Variants in TPTE2 observed in about 807,000 individuals in gnomAD.
TPTE2 encodes phosphatidylinositol 3,4,5-trisphosphate 3-phosphatase TPTE2.
In TPTE2, 53 loss-of-function variants were observed where a neutral mutation model predicts 78.6. The observed-to-expected ratio is 0.67, with a 90% CI of 0.54 to 0.85. The LOEUF (loss-of-function observed/expected upper bound fraction) is 0.85. TPTE2 is among the 40% of genes least tolerant of loss of function. TPTE2 has a pLI of 0.00. For synonymous variants in TPTE2, 175 were observed against 206.2 expected, an observed-to-expected ratio of 0.85 and a Z score of 1.30; for missense variants, 461 against 623.0, an observed-to-expected ratio of 0.74 and a Z score of 2.77.
intron 1 of TPTE2, among the ~76,000 whole-genome samples, chr13:19,531,440 C>T (rs1214843657): frequency 6.6e-6 from 1 of 151,450 alleles, no homozygotes; most frequent in Non-Finnish European, 1.5e-5. Flanking sequence ...TTGGCAGCCA[C>T]AAAGACTGGG....
chr13:19,462,843 C>T (rs753068546), intron 10 of TPTE2, among the ~76,000 whole-genome samples: 15 of 151,130 alleles, frequency 9.9e-5, no homozygotes, highest in East Asian at 5.9e-4. Context: ...CTGCACCTGA[C>T]GAATATTCCC....
At chr13:19,428,908 A>T (rs1197217890) in intron 17 of TPTE2, among the ~76,000 whole-genome samples, 1 of 152,246 alleles carries the variant, frequency 6.6e-6, no homozygotes, top group African/African-American at 2.4e-5. Flanking sequence ...AGCTCGAGCC[A>T]AGGAAATAAG....
rs142120063 is a variant in TPTE2, at chr13:19,531,600, A to T, written c.-44+4996T>A. On this transcript the variant is annotated intron_variant, in intron 1 of 17. Transcript: ENST00000390680. The stretch of plus-strand genomic sequence containing the variant: ...GTGTTAAGGAGAGCAATAATAGACA[A>T]AATAATAACATAACAATTAGGTATT... Among the ~76,000 whole-genome samples the T allele has an allele frequency of 4.4e-3, 664 of 150,398 alleles. 8 individuals are homozygous for T. Among genetic ancestry groups the T allele is most frequent in the African/African-American group, 0.015 (626 of 41,294 alleles).
chr13:19,485,357 T>A (rs1352685343), intron 3 of TPTE2, among the ~76,000 whole-genome samples: 7 of 152,150 alleles, frequency 4.6e-5, no homozygotes, highest in Non-Finnish European at 8.8e-5. Flanking sequence ...TTTTTTTTCT[T>A]TCAGAACTTC....
chr13:19,506,329 G>A (rs1347605705), upstream of TPTE2, among the ~76,000 whole-genome samples: 9 of 149,932 alleles, frequency 6.0e-5, no homozygotes, highest in Non-Finnish European at 1.0e-4. Flanking sequence ...CCGCCACTAC[G>A]CCCGGCTAAT....
chr13:19,502,055 C>G (rs1276486020), intron 1 of TPTE2, among the ~76,000 whole-genome samples: 1 of 66,012 alleles, frequency 1.5e-5, no homozygotes, highest in East Asian at 4.3e-4. Flanking sequence ...AAATGCTCAT[C>G]ATCACTGGCC....
At chr13:19,473,258 G>C (rs972107032) in intron 6 of TPTE2, among the ~76,000 whole-genome samples, 15 of 152,200 alleles carry the variant, frequency 9.9e-5, no homozygotes, top group Admixed American at 4.6e-4. Context: ...GTCATCACAT[G>C]GTAAAAACAG....
chr13:19,509,312 A>G (rs1869273899), intron 1 of TPTE2, among the ~76,000 whole-genome samples: 1 of 152,128 alleles, frequency 6.6e-6, no homozygotes, highest in Non-Finnish European at 1.5e-5. Flanking sequence ...AGAAGAAAAA[A>G]CCGTGGAGAA....
chr13:19,431,454 T>C (rs1876595299), intron 16 of TPTE2, among the ~76,000 whole-genome samples: 1 of 152,190 alleles, frequency 6.6e-6, no homozygotes, highest in African/African-American at 2.4e-5. Flanking sequence ...AATTTTTTAT[T>C]GCTTTCCTCT....
At chr13:19,555,452 C>A in the TPTE2 span, among the ~76,000 whole-genome samples, 1 of 152,158 alleles carries the variant, frequency 6.6e-6, no homozygotes, top group South Asian at 2.1e-4. Flanking sequence ...CAACAGTGAA[C>A]AATTGCTAAA....
chr13:19,436,096 C>T (rs1252094713), intron 15 of TPTE2, 130 bp downstream of exon 18: 8 of 697,322 alleles, frequency 1.1e-5, no homozygotes, highest in Admixed American at 2.9e-5. Flanking sequence ...GGGACCAAGG[C>T]CTGTTGCAGG....
intron 10 of TPTE2, among the ~76,000 whole-genome samples, chr13:19,451,838 T>C (rs1878207063): frequency 8.0e-6 from 1 of 125,206 alleles, no homozygotes; most frequent in Non-Finnish European, 1.8e-5. Context: ...TGTGTGTGTG[T>C]GTGTGTATAT....
At chr13:19,527,546 GA>G (rs1414579614) in intron 1 of TPTE2, among the ~76,000 whole-genome samples, 1 of 152,148 alleles carries the variant, frequency 6.6e-6, no homozygotes, top group Non-Finnish European at 1.5e-5. Flanking sequence ...GATAAACCTT[GA>G]AAACATGCTA....
chr13:19,537,754 G>A (rs754355140), upstream of TPTE2, among the ~76,000 whole-genome samples: 1 of 149,754 alleles, frequency 6.7e-6, no homozygotes. Context: ...AGGTGCCCAC[G>A]ACCATGCCCA....
chr13:19,520,774 TAA>T (rs1870100094), intron 1 of TPTE2, among the ~76,000 whole-genome samples: 1 of 151,992 alleles, frequency 6.6e-6, no homozygotes, highest in Non-Finnish European at 1.5e-5. Flanking sequence ...CTGCATTCCA[TAA>T]GTTTTGAGAT....
At chr13:19,555,158 A>G in the TPTE2 span, among the ~76,000 whole-genome samples, 1 of 152,180 alleles carries the variant, frequency 6.6e-6, no homozygotes, top group African/African-American at 2.4e-5. Context: ...CTTGACATGT[A>G]TGTACTAGCC....
chr13:19,454,217 G>A (rs2137538245), intron 10 of TPTE2, among the ~76,000 whole-genome samples: 1 of 152,188 alleles, frequency 6.6e-6, no homozygotes, highest in Middle Eastern at 3.4e-3. Context: ...TGTCTGCTTT[G>A]CTCATTCGCT....
chr13:19,547,901 T>A, the TPTE2 span, among the ~76,000 whole-genome samples: 1 of 151,404 alleles, frequency 6.6e-6, no homozygotes, highest in Admixed American at 6.6e-5. Context: ...GGGTAAAGTA[T>A]AATATTCTTT....
intron 4 of TPTE2, among the ~76,000 whole-genome samples, chr13:19,478,526 G>A (rs1160639110): frequency 6.6e-5 from 10 of 152,200 alleles, no homozygotes. Context: ...TGCTGGAGAG[G>A]ATGTGGAGAA....
Sources: allele counts gnomAD v4.1 joint callset (sites outside exome capture counted in the v4.1 genomes callset), GRCh38; gene constraint gnomAD v4.1.1; transcripts MANE v1.5; gene names NCBI Gene and HGNC (gene_info 2026-07-23, HGNC 2026-07-21).